TK1: variants seen among roughly 807,000 people sequenced by gnomAD.
The protein encoded by TK1 is thymidine kinase 1.
In TK1, 13 loss-of-function variants were observed where a neutral mutation model predicts 22.4. The observed-to-expected ratio is 0.58, with a 90% confidence interval of 0.38 to 0.92. The LOEUF (loss-of-function observed/expected upper bound fraction) is 0.92. TK1 is among the 40% of genes least tolerant of loss of function. TK1 has a pLI of 0.00. For synonymous variants in TK1, 134 were observed against 125.4 expected (o/e 1.07, Z -0.46); for missense variants, 251 against 315.7 (o/e 0.80, Z 1.55).
At chr17:78,180,855 T>C (rs1486656061) in intron 4 of TK1, among the ~76,000 whole-genome samples, 1 of 152,174 alleles carries the variant, frequency 6.6e-6, no homozygotes. Context: ...CACATTGTGC[T>C]GAGAGAGAAC....
At chr17:78,180,052 C>T (rs1298139311) in intron 4 of TK1, among the ~76,000 whole-genome samples, 1 of 152,214 alleles carries the variant, frequency 6.6e-6, no homozygotes, top group African/African-American at 2.4e-5. Flanking sequence ...GCCTGGGCCA[C>T]AGAGCAAGAC....
In TK1 at chr17:78,186,852, C is replaced by T. The variant is rs375939854; in HGVS notation, c.67-34G>A. 51 of 1,573,570 alleles carry T rather than the reference C, an allele frequency of 3.2e-5. No individual in the cohort carries two copies. The African/African-American group carries it at 6.2e-4, about 19-fold the overall frequency. On this transcript the variant is annotated intron_variant, in intron 1 of 6. Transcript: ENST00000301634. ...GAAGGTGAGGTCATTTGAGGGCCCG[C>T]CCTGCGCGGATGCCTGGACACAGGC...
At chr17:78,185,795 G>T (rs985720742) in intron 2 of TK1, among the ~76,000 whole-genome samples, 1 of 152,056 alleles carries the variant, frequency 6.6e-6, no homozygotes, top group Non-Finnish European at 1.5e-5. Context: ...CTTCCAAAGC[G>T]CTGGGATTAA....
At chr17:78,181,748 A>G (rs971658255) in intron 4 of TK1, among the ~76,000 whole-genome samples, 1 of 151,604 alleles carries the variant, frequency 6.6e-6, no homozygotes, top group Non-Finnish European at 1.5e-5. Flanking sequence ...CAAACCAAAC[A>G]TTACTCCCCA....
intron 4 of TK1, among the ~76,000 whole-genome samples, chr17:78,175,968 A>G (rs1456728392): frequency 6.6e-6 from 1 of 152,152 alleles, no homozygotes; most frequent in East Asian, 1.9e-4. Context: ...CGCTGGACCC[A>G]TTATCTGTGT....
intron 4 of TK1, among the ~76,000 whole-genome samples, chr17:78,182,168 A>G (rs1345030960): frequency 6.6e-6 from 1 of 151,964 alleles, no homozygotes; most frequent in African/African-American, 2.4e-5. Flanking sequence ...TGAGGTTGGG[A>G]GTTTGAGACC....
At chr17:78,182,770 C>G in intron 3 of TK1, 88 bp from the exon 4 acceptor site, 2 of 948,924 alleles carry the variant, frequency 2.1e-6, no homozygotes, top group South Asian at 2.3e-5. Context: ...TCGTGACCAC[C>G]TGCTACCTGC....
At chr17:78,182,737 G>T in intron 3 of TK1, 55 bp from the exon 4 acceptor site, 2 of 1,370,844 alleles carry the variant, frequency 1.5e-6, no homozygotes, top group Non-Finnish European at 2.0e-6. Context: ...AAGCCACAAT[G>T]CAGGGGCCAG....
intron 4 of TK1, among the ~76,000 whole-genome samples, chr17:78,177,346 A>G (rs1010659632): frequency 2.4e-4 from 36 of 152,342 alleles, no homozygotes; most frequent in African/African-American, 8.4e-4. Context: ...CTCACGTCCA[A>G]ATTACTAAAT....
rs1394908188 is a variant in TK1 at position 78,186,661 on chromosome 17, G to T, written c.98+126C>A. 4 of 962,618 alleles carry T rather than the reference G, an allele frequency of 4.2e-6. No individual in the cohort carries two copies. In the East Asian group the frequency reaches 8.3e-5, roughly 20 times the overall value. The allele number at this position is 962,618 out of a possible 1,614,324, so 59.6% of individuals were successfully genotyped here. A position where few individuals can be genotyped will look rare whatever the true frequency, so the allele number is the denominator to read the frequency against. ...GTAGGAGGCTGTGCTGGTCCTTCTAGGGGAAGGGAAGGGGAGGGAAGGGAA... is the reference window on the plus strand; with the variant it reads ...GTAGGAGGCTGTGCTGGTCCTTCTATGGGAAGGGAAGGGGAGGGAAGGGAA... On this transcript the variant is annotated intron_variant, in intron 2 of 6. Coordinates refer to ENST00000301634, the MANE Select transcript of TK1 (RefSeq NM_003258.5).
chr17:78,184,954 A>G lies in TK1; in HGVS notation c.209+101T>C, dbSNP rs1201442674. 27 of 892,680 alleles carry G rather than the reference A, an allele frequency of 3.0e-5. No homozygotes were observed. In the African/African-American group the frequency reaches 3.6e-4, roughly 12 times the overall value. The allele number at this position is 892,680 out of a possible 1,614,324, so 55.3% of individuals were successfully genotyped here. The stretch of plus-strand genomic sequence containing the variant: ...AAAGTGTGCTGATTTGAATCATTCA[A>G]TGTTCAAATGATTAACCATCCCCAT... On this transcript the variant is annotated intron_variant, in intron 3 of 6. Transcript: ENST00000301634.
chr17:78,175,488 C>T lies in TK1; in HGVS notation c.393+41G>A, dbSNP rs2075692140. The T allele has an allele frequency of 3.2e-6, 5 of 1,583,646 alleles. No homozygotes were observed. In the East Asian group the frequency reaches 1.1e-4, roughly 35 times the overall value. ...CTGTGCCCATCCAGAAGCCTCTTGCCCTCCTCAATCCCAGCTCCAGACCTG... is the reference window on the plus strand; with the variant it reads ...CTGTGCCCATCCAGAAGCCTCTTGCTCTCCTCAATCCCAGCTCCAGACCTG... On this transcript the variant is annotated intron_variant, in intron 5 of 6. Transcript: ENST00000301634.
rs1050151717 is a variant in TK1, at chr17:78,174,490, G to A, written c.*269C>T. On this transcript the variant is annotated 3_prime_UTR_variant, in exon 7 of 7. Transcript: ENST00000301634. Reference sequence around the variant, plus strand: ...GTCCCTCACCCCAAGGAGAGGGAGTGTGCCAGATCCCAGGCCACCAAGCGG... The same window carrying A: ...GTCCCTCACCCCAAGGAGAGGGAGTATGCCAGATCCCAGGCCACCAAGCGG... 3 of 508,836 alleles carry A rather than the reference G, an allele frequency of 5.9e-6. No individual in the cohort carries two copies. Among genetic ancestry groups the A allele is most frequent in the African/African-American group, 3.9e-5 (2 of 51,350 alleles). The allele number at this position is 508,836 out of a possible 1,614,324, so 31.5% of individuals were successfully genotyped here.
At position 78,174,403 on chromosome 17, in the gene TK1, A is replaced by C. The variant is rs773516137; in HGVS notation, c.*356T>G. The C allele has an allele frequency of 1.2e-5, 3 of 250,940 alleles. No homozygotes were observed. The highest frequency in any genetic ancestry group is 2.3e-5 in the African/African-American group (1 of 44,324). The allele number at this position is 250,940 out of a possible 1,614,324, so 15.5% of individuals were successfully genotyped here. A position where few individuals can be genotyped will look rare whatever the true frequency, so the allele number is the denominator to read the frequency against. On this transcript the variant is annotated 3_prime_UTR_variant, in exon 7 of 7. Transcript: ENST00000301634. ...GGCACAGGCTTCCCAGGGAGAACAG[A>C]AACTCAGCAGTGAAAGCCGCAGAGG...
At chr17:78,182,518 G>C (rs1475011616) in intron 4 of TK1, 71 bp downstream of exon 4, 6 of 1,237,658 alleles carry the variant, frequency 4.8e-6, no homozygotes, top group South Asian at 4.5e-5. Context: ...TAACTTCCAA[G>C]TCAGCGAGGG....
chr17:78,184,928 G>T, intron 3 of TK1, 127 bp downstream of exon 3: 1 of 751,400 alleles, frequency 1.3e-6, no homozygotes, highest in Non-Finnish European at 2.2e-6. Context: ...AAGCACCTTG[G>T]AAAGTGTGCT....
chr17:78,179,090 C>T, intron 4 of TK1: 1 of 914,840 alleles, frequency 1.1e-6, no homozygotes, highest in Non-Finnish European at 1.3e-6. Flanking sequence ...GGAAAGGTTT[C>T]TGCCTCGGGG....
At chr17:78,178,612 G>A (rs184542131) in intron 4 of TK1, among the ~76,000 whole-genome samples, 5 of 152,286 alleles carry the variant, frequency 3.3e-5, no homozygotes, top group Middle Eastern at 3.4e-3. Flanking sequence ...ATCTAGAACT[G>A]CTTGCAATGG....
intron 4 of TK1, chr17:78,179,182 A>T: frequency 1.0e-6 from 1 of 985,418 alleles, no homozygotes; most frequent in Non-Finnish European, 1.2e-6. Context: ...GCAGGTCTGA[A>T]GGAGGGAGAG....
Sources: allele counts gnomAD v4.1 joint callset (sites outside exome capture counted in the v4.1 genomes callset), GRCh38; gene constraint gnomAD v4.1.1; transcripts MANE v1.5; gene names NCBI Gene and HGNC (gene_info 2026-07-23, HGNC 2026-07-21).